Variants in MYRF observed in about 807,000 individuals in gnomAD.
MYRF encodes myelin gene regulatory factor.
MYRF carries 16 observed loss-of-function variants against 126.3 expected under a neutral mutation model. The observed-to-expected ratio is 0.13, with a 90% CI of 0.09 to 0.19. The LOEUF is 0.19. Among genes scored for constraint, MYRF ranks in the 10% least tolerant of loss-of-function variants. MYRF has a pLI of 1.00. For missense variants in MYRF, 1,104 were observed against 1,547.0 expected, an observed-to-expected ratio of 0.71 and a Z score of 4.80; for synonymous variants, 608 against 635.3, an observed-to-expected ratio of 0.96 and a Z score of 0.65.
chr11:61,772,748 A>G (rs1012646689), intron 7 of MYRF, among the ~76,000 whole-genome samples: 2 of 152,248 alleles, frequency 1.3e-5, no homozygotes, highest in Non-Finnish European at 2.9e-5. Context: ...GAAGCTTGGC[A>G]GCTGCAGCCC....
Position 61,784,284 on chromosome 11 carries a change from T to C in MYRF, c.3199T>C (p.Ser1067Pro). The change falls in exon 25 of 27, where the codon TCC (serine) becomes CCC (proline). Residue 1067 changes from serine to proline, a missense_variant. Ser to Pro is a moderately conservative substitution (Grantham distance 74). This residue lies in a region of MYRF where 94 missense variants were observed against 164.6 expected (regional missense o/e 0.57). Coordinates refer to ENST00000278836, the MANE Select transcript of MYRF (RefSeq NM_001127392.3). ...GCTAACTGGGCCTGTCTACAGCTCC[T>C]CCTCCCCCGTGTCTGTGGTGCTGTG... ...HLSLTLQMNS[S>P]SPVSVVLCSL... 6.2e-7 allele frequency: 1 copy of C among 1,613,614 alleles called. No individual in the cohort carries two copies. Among genetic ancestry groups the C allele is most frequent in the Non-Finnish European group, 8.5e-7 (1 of 1,179,856 alleles).
chr11:61,758,176 G>A (rs527351037), intron 1 of MYRF, among the ~76,000 whole-genome samples: 90 of 152,234 alleles, frequency 5.9e-4, no homozygotes, highest in African/African-American at 2.1e-3. Flanking sequence ...GGGGGCTCCC[G>A]GACATTCTGT....
At chr11:61,761,723 C>T (rs571459340) in intron 1 of MYRF, among the ~76,000 whole-genome samples, 70 of 152,370 alleles carry the variant, frequency 4.6e-4, no homozygotes, top group African/African-American at 1.4e-3. Flanking sequence ...AACAGGGCAG[C>T]GCTCATAGCC....
At chr11:61,773,887 G>A in intron 7 of MYRF, 80 bp from the exon 8 acceptor site, 1 of 1,282,658 alleles carries the variant, frequency 7.8e-7, no homozygotes, top group South Asian at 1.4e-5. Context: ...AAATGGTTTT[G>A]GAACCCAGCA....
At chr11:61,772,252 C>G (rs369053433) in intron 7 of MYRF, among the ~76,000 whole-genome samples, 1 of 152,170 alleles carries the variant, frequency 6.6e-6, no homozygotes, top group South Asian at 2.1e-4. Flanking sequence ...CCTCTGCATT[C>G]CAGGAAGGTA....
Position 61,769,938 on chromosome 11 carries a change from G to A in MYRF, c.461-308G>A, listed in dbSNP as rs147303536. Among the ~76,000 whole-genome samples the A allele has an allele frequency of 9.4e-3, 1,436 of 152,100 alleles. 26 individuals carry two copies. Among genetic ancestry groups the A allele is most frequent in the African/African-American group, 0.031 (1,301 of 41,508 alleles). ...CTTCCTGAGGCCCAGAGGAGGAGCA[G>A]GCCTCAGAGGAGATGGGGACGGAGG... On this transcript the variant is annotated intron_variant, in intron 4 of 26. Transcript: ENST00000278836.
chr11:61,785,943 T>TG (rs2066682697), intron 26 of MYRF, 69 bp downstream of exon 26: 7 of 1,573,252 alleles, frequency 4.4e-6, no homozygotes, highest in Non-Finnish European at 5.2e-6. Flanking sequence ...GCTTGAGGAA[T>TG]GGGGGGTTTG....
chr11:61,753,774 T>A (rs534169262), intron 1 of MYRF, among the ~76,000 whole-genome samples: 3 of 152,122 alleles, frequency 2.0e-5, no homozygotes, highest in Non-Finnish European at 4.4e-5. Flanking sequence ...TCCCTGTCTT[T>A]TCCTGGACGA....
chr11:61,783,832 G>A lies in MYRF; in HGVS notation c.3120-19G>A, dbSNP rs1470638074. 1 of 1,588,480 alleles carries A rather than the reference G, an allele frequency of 6.3e-7. No individual in the cohort carries two copies. The highest frequency in any genetic ancestry group is 8.6e-7 in the Non-Finnish European group (1 of 1,166,518). ...TGGCAGGGTACCCTCAGGCTAAGGT[G>A]CCAGTTTTGCCCCTGCAGGCCTGGG... On this transcript the variant is annotated intron_variant, in intron 23 of 26. Coordinates refer to ENST00000278836, the MANE Select transcript of MYRF (RefSeq NM_001127392.3). The surrounding 1 kb of genome is among the most constrained non-coding windows in gnomAD (Gnocchi z 4.6).
At chr11:61,758,482 G>C (rs1035683998) in intron 1 of MYRF, among the ~76,000 whole-genome samples, 1 of 152,166 alleles carries the variant, frequency 6.6e-6, no homozygotes, top group Non-Finnish European at 1.5e-5. Flanking sequence ...GACAGCAGGC[G>C]GGGAGGGGGC....
Position 61,777,170 on chromosome 11 carries a change from G to A in MYRF, c.1591-94G>A. On this transcript the variant is annotated intron_variant, in intron 11 of 26. Coordinates refer to ENST00000278836, the MANE Select transcript of MYRF (RefSeq NM_001127392.3). The surrounding 1 kb of genome is among the most constrained non-coding windows in gnomAD (Gnocchi z 8.8). Reference sequence around the variant, plus strand: ...GTGCAGTGAGAAACCCTGGCTGGAAGGGGAGGGGCTGCTGTGGAGTTTCCC... The same window carrying A: ...GTGCAGTGAGAAACCCTGGCTGGAAAGGGAGGGGCTGCTGTGGAGTTTCCC... 1.5e-6 allele frequency: 2 copies of A among 1,323,462 alleles called. No individual in the cohort carries two copies. Among genetic ancestry groups the A allele is most frequent in the Admixed American group, 1.9e-5 (1 of 53,856 alleles). 82.0% of individuals were successfully genotyped at this position (1,323,462 alleles called of 1,614,324 possible). A position where few individuals can be genotyped will look rare whatever the true frequency, so the allele number is the denominator to read the frequency against.
intron 22 of MYRF, 184 bp downstream of exon 22, chr11:61,782,008 C>T: frequency 1.7e-6 from 1 of 594,646 alleles, no homozygotes; most frequent in Non-Finnish European, 2.7e-6. Flanking sequence ...ATTTAGTCCT[C>T]ACAGCACTCC....
At chr11:61,772,413 G>A (rs959796949) in intron 7 of MYRF, among the ~76,000 whole-genome samples, 4 of 152,346 alleles carry the variant, frequency 2.6e-5, no homozygotes, top group East Asian at 1.9e-4. Context: ...GCCGCAGGCC[G>A]GGAGCCCTGT....
chr11:61,783,269 G>A lies in MYRF; in HGVS notation c.3017-229G>A, dbSNP rs1201418507. ...TGTGAAGACCCATCCCTACTTCTGG[G>A]TGTTCCAGTTCTTTTGAGGAGGCAG... On this transcript the variant is annotated intron_variant, in intron 22 of 26. Transcript: ENST00000278836. This position sits in a 1 kb window ranked among gnomAD's most constrained non-coding sequence, Gnocchi z 4.6. 1.4e-5 allele frequency: 6 copies of A among 431,922 alleles called. No individual in the cohort carries two copies. The East Asian group carries it at 2.3e-4, about 17-fold the overall frequency. 26.8% of individuals were successfully genotyped at this position (431,922 alleles called of 1,614,324 possible).
chr11:61,773,625 A>C (rs951082514), intron 7 of MYRF, among the ~76,000 whole-genome samples: 4 of 152,072 alleles, frequency 2.6e-5, no homozygotes, highest in African/African-American at 9.7e-5. Context: ...TCTGGGAAGG[A>C]GCCGAGTGTG....
rs865942341 is a variant in MYRF, at chr11:61,765,725, C to A, written c.134+13C>A. The A allele has an allele frequency of 6.2e-7, 1 of 1,606,284 alleles. No individual in the cohort carries two copies. Among genetic ancestry groups the A allele is most frequent in the Admixed American group, 1.7e-5 (1 of 59,654 alleles). ...ATGCCTCCGACCTGTGAGTGGCCCC[C>A]TCGCCCGGCCTGCACCCGCCCAGCC... On this transcript the variant is annotated intron_variant, in intron 2 of 26. Transcript: ENST00000278836.
At chr11:61,765,902 CT>C in intron 2 of MYRF, 55 bp from the exon 3 acceptor site, 1 of 1,463,822 alleles carries the variant, frequency 6.8e-7, no homozygotes, top group Non-Finnish European at 9.0e-7. Flanking sequence ...GGGGCGGCTA[CT>C]TCCCTGCTGG....
In MYRF at chr11:61,776,487, A is replaced by T. The variant is rs1942121047; in HGVS notation, c.1499+55A>T. On this transcript the variant is annotated intron_variant, in intron 10 of 26. Coordinates refer to ENST00000278836, the MANE Select transcript of MYRF (RefSeq NM_001127392.3). This position sits in a 1 kb window ranked among gnomAD's most constrained non-coding sequence, Gnocchi z 4.3. The stretch of plus-strand genomic sequence containing the variant: ...CCCTCCATTTCTGAGGCAGGAAGAC[A>T]CTGCCCTGGGTGGCACACCAGGCAC... 6.7e-7 allele frequency: 1 copy of T among 1,490,966 alleles called. No individual in the cohort carries two copies. Among genetic ancestry groups the T allele is most frequent in the African/African-American group, 1.4e-5 (1 of 72,092 alleles). The allele number at this position is 1,490,966 out of a possible 1,614,324, so 92.4% of individuals were successfully genotyped here.
In MYRF at chr11:61,757,637, G is replaced by A. The variant is rs2065796544; in HGVS notation, c.46+4847G>A. The A allele has an allele frequency of 2.3e-6, 1 of 437,868 alleles. No individual in the cohort carries two copies. Among genetic ancestry groups the A allele is most frequent in the South Asian group, 1.6e-5 (1 of 63,028 alleles). The allele number at this position is 437,868 out of a possible 1,614,324, so 27.1% of individuals were successfully genotyped here. A position where few individuals can be genotyped will look rare whatever the true frequency, so the allele number is the denominator to read the frequency against. ...CCTGGTCCCTGGCACATCCAGTGGG[G>A]CCCGCCCCACCTCCCCCTCTGAGAT... On this transcript the variant is annotated intron_variant, in intron 1 of 26. Coordinates refer to ENST00000278836, the MANE Select transcript of MYRF (RefSeq NM_001127392.3). The surrounding 1 kb of genome is among the most constrained non-coding windows in gnomAD (Gnocchi z 4.7).
Sources: allele counts gnomAD v4.1 joint callset (sites outside exome capture counted in the v4.1 genomes callset), GRCh38; gene constraint gnomAD v4.1.1; regional missense constraint gnomAD v4.1.1; non-coding constraint Gnocchi (gnomAD v3.1); transcripts MANE v1.5; gene names NCBI Gene and HGNC (gene_info 2026-07-23, HGNC 2026-07-21).